Variants in PCDH17 observed in about 807,000 individuals in gnomAD.
PCDH17 encodes protocadherin-17.
PCDH17 carries 21 observed loss-of-function variants against 67.7 expected under a neutral mutation model. The observed-to-expected ratio is 0.31, with a 90% CI of 0.22 to 0.45. The LOEUF (loss-of-function observed/expected upper bound fraction) is 0.45. Ranked by LOEUF, PCDH17 falls within the 20% of genes least tolerant of loss-of-function variation. The probability of loss-of-function intolerance (pLI) is 1.00; values close to 1 mark genes in which losing one functional copy is unlikely to be tolerated. For synonymous variants in PCDH17, 701 were observed against 656.7 expected (o/e 1.07, Z -1.03); for missense variants, 1,471 against 1,564.8 (o/e 0.94, Z 1.01).
rs367915993 is a variant in PCDH17 at position 57,639,407 on chromosome 13, A to T, written c.2565+4296A>T. Among the ~76,000 whole-genome samples, 16 of 151,936 alleles carry T rather than the reference A, an allele frequency of 1.1e-4. No homozygotes were observed. The East Asian group carries it at 1.5e-3, about 15-fold the overall frequency. The stretch of plus-strand genomic sequence containing the variant: ...TTATTATATTGTTACTTTTATTTTT[A>T]TATGCATTTATGAAAATTTTAGCTC... On this transcript the variant is annotated intron_variant, in intron 1 of 3. Coordinates refer to ENST00000377918, the MANE Select transcript of PCDH17 (RefSeq NM_001040429.3).
chr13:57,725,339 T>C lies in PCDH17; in HGVS notation c.*45T>C, dbSNP rs753973102. 1 of 1,527,062 alleles carries C rather than the reference T, an allele frequency of 6.5e-7. No homozygotes were observed. Among genetic ancestry groups the C allele is most frequent in the South Asian group, 1.2e-5 (1 of 80,146 alleles). 94.6% of individuals were successfully genotyped at this position (1,527,062 alleles called of 1,614,324 possible). A position where few individuals can be genotyped will look rare whatever the true frequency, so the allele number is the denominator to read the frequency against. ...CATTGGCATTTTCTTGTCTCTTCTG[T>C]TGATTTAAAAATGATCCCTCCTGGT... On this transcript the variant is annotated 3_prime_UTR_variant, in exon 4 of 4. Coordinates refer to ENST00000377918, the MANE Select transcript of PCDH17 (RefSeq NM_001040429.3).
At chr13:57,667,551 A>C (rs1252772827) in intron 3 of PCDH17, among the ~76,000 whole-genome samples, 2 of 151,986 alleles carry the variant, frequency 1.3e-5, no homozygotes, top group Non-Finnish European at 2.9e-5. Flanking sequence ...AAAACTGTGA[A>C]TAGGTTTTTT....
At chr13:57,721,752 TC>T (rs1194725892) in intron 3 of PCDH17, among the ~76,000 whole-genome samples, 1 of 152,076 alleles carries the variant, frequency 6.6e-6, no homozygotes, top group Non-Finnish European at 1.5e-5. Context: ...TTTCCCTCCT[TC>T]CCTTCACTTT....
chr13:57,699,105 C>T (rs968955983), intron 3 of PCDH17, among the ~76,000 whole-genome samples: 4 of 151,780 alleles, frequency 2.6e-5, no homozygotes, highest in Admixed American at 2.6e-4. Context: ...TAGATAATTA[C>T]CAGCCATGGT....
chr13:57,650,311 G>C (rs76795852), intron 1 of PCDH17, among the ~76,000 whole-genome samples: 9,854 of 150,994 alleles, frequency 0.065, 443 homozygotes, highest in East Asian at 0.25. Flanking sequence ...CCACGTGCCT[G>C]TAGGCCTGTG....
chr13:57,705,720 A>T (rs1955714930), intron 3 of PCDH17, among the ~76,000 whole-genome samples: 1 of 152,104 alleles, frequency 6.6e-6, no homozygotes, highest in African/African-American at 2.4e-5. Context: ...AGTTTTAAAA[A>T]ATAAGCAAAA....
chr13:57,688,095 T>C (rs1955524598), intron 3 of PCDH17, among the ~76,000 whole-genome samples: 1 of 151,960 alleles, frequency 6.6e-6, no homozygotes, highest in Non-Finnish European at 1.5e-5. Flanking sequence ...ACCCCATTTT[T>C]TTTAAAACCT....
At chr13:57,711,693 ATG>A (rs1332557104) in intron 3 of PCDH17, among the ~76,000 whole-genome samples, 1 of 151,654 alleles carries the variant, frequency 6.6e-6, no homozygotes, top group East Asian at 1.9e-4. Flanking sequence ...AGGCTACTGA[ATG>A]TAATTTTGCA....
intron 3 of PCDH17, among the ~76,000 whole-genome samples, chr13:57,677,820 C>T (rs1955409265): frequency 6.6e-6 from 1 of 151,868 alleles, no homozygotes; most frequent in Non-Finnish European, 1.5e-5. Context: ...ACTGCATGAT[C>T]TCACTCATGT....
intron 3 of PCDH17, among the ~76,000 whole-genome samples, chr13:57,678,622 A>G (rs1955417929): frequency 1.3e-5 from 2 of 151,588 alleles, no homozygotes; most frequent in Admixed American, 1.3e-4. Flanking sequence ...CTTATTTCAC[A>G]TAAGCACTTA....
chr13:57,692,147 C>A (rs957506862), intron 3 of PCDH17, among the ~76,000 whole-genome samples: 1 of 151,124 alleles, frequency 6.6e-6, no homozygotes. Flanking sequence ...GGTATCCAAA[C>A]AGTGATATTT....
chr13:57,666,953 C>A, intron 3 of PCDH17, 120 bp downstream of exon 3: 1 of 744,990 alleles, frequency 1.3e-6, no homozygotes, highest in Non-Finnish European at 1.9e-6. Flanking sequence ...ATCAAAGAAA[C>A]AGCAAATCTT....
intron 1 of PCDH17, among the ~76,000 whole-genome samples, chr13:57,643,823 T>C (rs1954933198): frequency 1.3e-5 from 2 of 151,742 alleles, no homozygotes; most frequent in African/African-American, 4.8e-5. Context: ...TGAATTTTTT[T>C]ATTTTTGTGA....
At chr13:57,711,124 T>C (rs1241963009) in intron 3 of PCDH17, among the ~76,000 whole-genome samples, 2 of 152,024 alleles carry the variant, frequency 1.3e-5, no homozygotes, top group East Asian at 3.9e-4. Flanking sequence ...AATTCAAGGG[T>C]ATCATTTATA....
At chr13:57,679,327 G>A (rs1158027825) in intron 3 of PCDH17, among the ~76,000 whole-genome samples, 1 of 147,078 alleles carries the variant, frequency 6.8e-6, no homozygotes, top group Non-Finnish European at 1.5e-5. Flanking sequence ...AATCATAATA[G>A]AATTGTGCAG....
At chr13:57,720,083 A>G (rs968989202) in intron 3 of PCDH17, among the ~76,000 whole-genome samples, 4 of 152,034 alleles carry the variant, frequency 2.6e-5, no homozygotes, top group Admixed American at 6.6e-5. Flanking sequence ...TTTTTTCCTC[A>G]CATAGATATA....
At chr13:57,701,777 C>T (rs1955664938) in intron 3 of PCDH17, among the ~76,000 whole-genome samples, 1 of 152,068 alleles carries the variant, frequency 6.6e-6, no homozygotes, top group South Asian at 2.1e-4. Context: ...ATATTTATAA[C>T]ATTTTTGCTT....
intron 1 of PCDH17, 67 bp downstream of exon 1, chr13:57,635,178 T>G (rs1405071832): frequency 6.7e-5 from 103 of 1,526,518 alleles, no homozygotes; most frequent in Admixed American, 5.3e-4. Flanking sequence ...CTGAAACCTT[T>G]GGAACAGGGC....
At chr13:57,719,760 A>G (rs1955857821) in intron 3 of PCDH17, among the ~76,000 whole-genome samples, 1 of 152,034 alleles carries the variant, frequency 6.6e-6, no homozygotes, top group Non-Finnish European at 1.5e-5. Flanking sequence ...GCTGGTTGCT[A>G]GGCATATTTC....
Sources: gnomAD v4.1 joint callset for allele counts (sites outside exome capture counted in the v4.1 genomes callset) on GRCh38, gnomAD v4.1.1 for gene constraint, MANE v1.5 for transcripts, NCBI Gene and HGNC (gene_info 2026-07-23, HGNC 2026-07-21) for gene names.